Variants in NCKAP5 observed in about 807,000 individuals in gnomAD.
NCKAP5 encodes the protein nck-associated protein 5.
A neutral mutation model predicts 167.0 loss-of-function variants in NCKAP5; 92 were observed. That is an observed-to-expected ratio of 0.55 (90% CI 0.47 to 0.66). The LOEUF is 0.66. NCKAP5 is among the 30% of genes least tolerant of loss of function. The probability of loss-of-function intolerance (pLI) is 0.00; values close to 1 mark genes in which losing one functional copy is unlikely to be tolerated. For synonymous variants in NCKAP5, 891 were observed against 877.4 expected (o/e 1.02, Z -0.27); for missense variants, 2,378 against 2,315.0 (o/e 1.03, Z -0.56).
At chr2:132,966,795 C>T (rs191463663) in intron 7 of NCKAP5, among the ~76,000 whole-genome samples, 194 of 152,236 alleles carry the variant, frequency 1.3e-3, no homozygotes, top group Non-Finnish European at 1.9e-3. Flanking sequence ...ATCTGTAGGG[C>T]GCATCACAGC....
chr2:133,343,208 T>TG (rs1489302613), intron 3 of NCKAP5, among the ~76,000 whole-genome samples: 1 of 152,220 alleles, frequency 6.6e-6, no homozygotes, highest in African/African-American at 2.4e-5. Context: ...TATCATGTTA[T>TG]GTCACTGAAC....
At chr2:132,854,861 A>G (rs1194202339) in intron 11 of NCKAP5, among the ~76,000 whole-genome samples, 1 of 152,198 alleles carries the variant, frequency 6.6e-6, no homozygotes, top group African/African-American at 2.4e-5. Context: ...GAACAGAAAA[A>G]TGACATACAA....
chr2:132,696,580 G>C (rs1687333137), intron 19 of NCKAP5, among the ~76,000 whole-genome samples: 1 of 152,122 alleles, frequency 6.6e-6, no homozygotes, highest in African/African-American at 2.4e-5. Context: ...AAGTTTATGT[G>C]GGGATGGAAG....
At chr2:133,408,754 C>A (rs1039026598) in intron 3 of NCKAP5, among the ~76,000 whole-genome samples, 3 of 152,210 alleles carry the variant, frequency 2.0e-5, no homozygotes, top group Non-Finnish European at 4.4e-5. Flanking sequence ...TAATGGTGTG[C>A]CAGCCACTGG....
At chr2:133,057,680 A>G (rs975452616) in intron 6 of NCKAP5, among the ~76,000 whole-genome samples, 1 of 152,260 alleles carries the variant, frequency 6.6e-6, no homozygotes, top group Non-Finnish European at 1.5e-5. Context: ...AGGTTTAAGG[A>G]AAGATGCCAA....
intron 11 of NCKAP5, among the ~76,000 whole-genome samples, chr2:132,859,526 T>C (rs1223780976): frequency 1.3e-5 from 2 of 152,194 alleles, no homozygotes; most frequent in African/African-American, 4.8e-5. Context: ...AAACTTAATT[T>C]TAATTTAATT....
chr2:132,752,895 A>G (rs913364951), intron 16 of NCKAP5, among the ~76,000 whole-genome samples: 3 of 152,178 alleles, frequency 2.0e-5, no homozygotes, highest in African/African-American at 7.2e-5. Flanking sequence ...AGACAGGAAA[A>G]AGAAATGTCC....
At chr2:133,027,626 C>A (rs2078743741) in intron 6 of NCKAP5, among the ~76,000 whole-genome samples, 1 of 152,138 alleles carries the variant, frequency 6.6e-6, no homozygotes, top group African/African-American at 2.4e-5. Flanking sequence ...GGACTCCTGT[C>A]TCAGAGGGGA....
chr2:133,638,987 ATAAT>A, the NCKAP5 span, among the ~76,000 whole-genome samples: 1 of 152,218 alleles, frequency 6.6e-6, no homozygotes, highest in African/African-American at 2.4e-5. Context: ...AATGAAAAAG[ATAAT>A]TAAACAGAAA....
At chr2:133,393,361 T>C (rs906083080) in intron 3 of NCKAP5, among the ~76,000 whole-genome samples, 3 of 152,212 alleles carry the variant, frequency 2.0e-5, no homozygotes, top group African/African-American at 4.8e-5. Flanking sequence ...TTATCAAGTG[T>C]GCTTATATAT....
At chr2:133,098,108 A>C (rs2149667985) in intron 6 of NCKAP5, among the ~76,000 whole-genome samples, 1 of 152,382 alleles carries the variant, frequency 6.6e-6, no homozygotes, top group East Asian at 1.9e-4. Context: ...AAGGCACAAA[A>C]GTAAATGAGA....
chr2:133,201,081 A>G (rs773752646), intron 5 of NCKAP5, among the ~76,000 whole-genome samples: 27 of 152,174 alleles, frequency 1.8e-4, no homozygotes, highest in Non-Finnish European at 2.6e-4. Context: ...TCCTAGAGTA[A>G]AAGTAAAATA....
intron 5 of NCKAP5, among the ~76,000 whole-genome samples, chr2:133,181,742 C>T (rs538957528): frequency 4.5e-4 from 69 of 151,964 alleles, no homozygotes; most frequent in African/African-American, 1.5e-3. Flanking sequence ...CACACCACTG[C>T]ATTCTAGGCT....
chr2:133,174,399 T>C (rs928903345), intron 5 of NCKAP5, among the ~76,000 whole-genome samples: 4 of 152,212 alleles, frequency 2.6e-5, no homozygotes, highest in African/African-American at 9.7e-5. Flanking sequence ...TACTATTTTC[T>C]CCTTGTATTT....
intron 13 of NCKAP5, among the ~76,000 whole-genome samples, chr2:132,788,166 G>A (rs573859608): frequency 7.9e-5 from 12 of 152,216 alleles, no homozygotes; most frequent in Non-Finnish European, 1.8e-4. Flanking sequence ...ATGGTGGGGA[G>A]GAGCTGGCAT....
intron 3 of NCKAP5, among the ~76,000 whole-genome samples, chr2:133,408,175 A>T (rs1688556903): frequency 6.6e-6 from 1 of 152,156 alleles, no homozygotes; most frequent in Non-Finnish European, 1.5e-5. Flanking sequence ...GGGGCAAACC[A>T]TCTGATTGAA....
chr2:133,403,714 C>T lies in NCKAP5; in HGVS notation c.70-100604G>A, dbSNP rs1479447936. Among the ~76,000 whole-genome samples, 4 of 152,208 alleles carry T rather than the reference C, an allele frequency of 2.6e-5. No homozygotes were observed. In the East Asian group the frequency reaches 5.8e-4, roughly 22 times the overall value. ...ATGGAGAATGTCCCCACTTTGGGCA[C>T]GTTTCCTGTGATGCTCCAAGTCCCA... On this transcript the variant is annotated intron_variant, in intron 3 of 19. Transcript: ENST00000409261.
intron 16 of NCKAP5, among the ~76,000 whole-genome samples, chr2:132,760,192 C>G (rs1012524087): frequency 2.0e-5 from 3 of 152,124 alleles, no homozygotes; most frequent in African/African-American, 7.2e-5. Flanking sequence ...ACCACTTTCT[C>G]TACTTAACAG....
intron 13 of NCKAP5, 88 bp from the exon 14 acceptor site, chr2:132,785,806 GT>G: frequency 1.8e-6 from 2 of 1,089,940 alleles, no homozygotes; most frequent in Non-Finnish European, 2.4e-6. Context: ...GACTTAATTT[GT>G]GCTAGTGGTT....
Sources: allele counts gnomAD v4.1 joint callset (sites outside exome capture counted in the v4.1 genomes callset), GRCh38; gene constraint gnomAD v4.1.1; transcripts MANE v1.5; gene names NCBI Gene and HGNC (gene_info 2026-07-23, HGNC 2026-07-21).